The following PCLO variants were observed in gnomAD, a reference collection of about 807,000 sequenced individuals.
PCLO encodes protein piccolo.
In PCLO, 82 loss-of-function variants were observed where a neutral mutation model predicts 427.5. The ratio of observed to expected loss-of-function variants is 0.19; its 90% CI spans 0.16 to 0.23. The LOEUF (loss-of-function observed/expected upper bound fraction) is 0.23, where lower values mean the gene tolerates loss of function less well. Among genes scored for constraint, PCLO ranks in the 10% least tolerant of loss-of-function variants. The pLI is 1.00. For missense variants in PCLO, 6,239 were observed against 6,115.9 expected (o/e 1.02, Z -0.67); for synonymous variants, 2,357 against 2,155.4 (o/e 1.09, Z -2.59).
intron 3 of PCLO, among the ~76,000 whole-genome samples, chr7:83,047,983 C>A (rs1211539018): frequency 6.6e-6 from 1 of 151,946 alleles, no homozygotes; most frequent in Admixed American, 6.6e-5. Flanking sequence ...ATGTGAGGAC[C>A]AGATAGAAGG....
intron 3 of PCLO, among the ~76,000 whole-genome samples, chr7:83,016,263 G>GA (rs889117327): frequency 4.0e-5 from 6 of 149,532 alleles, no homozygotes; most frequent in Non-Finnish European, 6.0e-5. Context: ...TAAAATGGGG[G>GA]AAAAAAAAAC....
chr7:82,816,624 C>T (rs1485218609), intron 20 of PCLO, among the ~76,000 whole-genome samples: 1 of 152,096 alleles, frequency 6.6e-6, no homozygotes, highest in African/African-American at 2.4e-5. Flanking sequence ...AGGCCTTTCT[C>T]TTCTTCTTAG....
rs1795285748 is a variant in PCLO at position 82,949,674 on chromosome 7, T to A, written c.10914A>T (p.Ser3638=). 2 of 1,613,862 alleles carry A rather than the reference T, an allele frequency of 1.2e-6. No homozygotes were observed. The highest frequency in any genetic ancestry group is 1.7e-6 in the Non-Finnish European group (2 of 1,179,848). The change falls in exon 6 of 25, where the codon TCA becomes TCT. Residue 3638 remains serine, a synonymous_variant. Coordinates refer to ENST00000333891, the MANE Select transcript of PCLO (RefSeq NM_033026.6). ...SPLSPGKALE[S]AFVPYEKPLP... Reference sequence around the variant, plus strand: ...GGGGTTTTTCATAAGGTACAAAGGCTGATTCTAAGGCTTTGCCTGGTGAAA... The same window carrying A: ...GGGGTTTTTCATAAGGTACAAAGGCAGATTCTAAGGCTTTGCCTGGTGAAA...
chr7:83,047,238 C>A (rs1218248981), intron 3 of PCLO, among the ~76,000 whole-genome samples: 5 of 151,890 alleles, frequency 3.3e-5, no homozygotes, highest in Non-Finnish European at 7.4e-5. Flanking sequence ...ATATTTTTAG[C>A]ATCAAAGTAC....
chr7:82,911,059 A>G (rs1303969953), intron 7 of PCLO, among the ~76,000 whole-genome samples: 1 of 152,118 alleles, frequency 6.6e-6, no homozygotes, highest in Admixed American at 6.6e-5. Context: ...TTTTAAATAT[A>G]ATTCTTTGAA....
intron 21 of PCLO, among the ~76,000 whole-genome samples, chr7:82,802,499 G>T (rs4413718): frequency 6.6e-6 from 1 of 152,040 alleles, no homozygotes; most frequent in East Asian, 1.9e-4. Flanking sequence ...AACAGCTAAA[G>T]GACAGTAGAC....
chr7:82,956,349 G>A lies in PCLO; in HGVS notation c.4604C>T (p.Ser1535Leu), dbSNP rs757482765. The A allele has an allele frequency of 3.3e-5, 53 of 1,613,038 alleles. No individual in the cohort carries two copies. The highest frequency in any genetic ancestry group is 1.8e-4 in the East Asian group (8 of 44,882). The change falls in exon 5 of 25, where the codon TCA becomes TTA. Residue 1535 changes from serine (S) to leucine (L), a missense_variant. Ser to Leu is a moderately radical substitution (Grantham distance 145). This residue lies in a region of PCLO where 4,677 missense variants were observed against 4,468.4 expected (regional missense o/e 1.05). Transcript: ENST00000333891. Reference sequence around the variant, plus strand: ...CTGTTTATACTCATCACTGCTTGATGAGCCAACACTAGTTCTTCGTTTTCT... The same window carrying A: ...CTGTTTATACTCATCACTGCTTGATAAGCCAACACTAGTTCTTCGTTTTCT... ...PQRKRRTSVGSSSSDEYKQED... is the reference protein window; with the variant it reads ...PQRKRRTSVGLSSSDEYKQED...
intron 9 of PCLO, among the ~76,000 whole-genome samples, chr7:82,892,121 C>G (rs1408983429): frequency 2.0e-5 from 3 of 152,090 alleles, no homozygotes; most frequent in Non-Finnish European, 2.9e-5. Context: ...ATAGCCAAGT[C>G]AATCCTAAGC....
At chr7:82,806,240 A>C (rs1791454990) in intron 20 of PCLO, among the ~76,000 whole-genome samples, 1 of 152,082 alleles carries the variant, frequency 6.6e-6, no homozygotes, top group African/African-American at 2.4e-5. Flanking sequence ...AGATAAAGAA[A>C]ATTGCTTATT....
At chr7:82,820,184 TAGA>T (rs1298571216) in intron 20 of PCLO, among the ~76,000 whole-genome samples, 4 of 152,202 alleles carry the variant, frequency 2.6e-5, no homozygotes, top group Non-Finnish European at 5.9e-5. Flanking sequence ...GATTGCAAAG[TAGA>T]TCAGACGTGG....
chr7:82,957,981 T>C (rs1795567020), intron 4 of PCLO, among the ~76,000 whole-genome samples: 1 of 152,190 alleles, frequency 6.6e-6, no homozygotes, highest in Non-Finnish European at 1.5e-5. Flanking sequence ...CAGAGACTTG[T>C]TGCATAAAGA....
chr7:83,100,847 T>C (rs79099859), intron 3 of PCLO, among the ~76,000 whole-genome samples: 3,518 of 152,270 alleles, frequency 0.023, 69 homozygotes, highest in Non-Finnish European at 0.029. Flanking sequence ...GAAAAATTTA[T>C]ATATTCTGGA....
intron 22 of PCLO, among the ~76,000 whole-genome samples, chr7:82,772,348 A>T (rs1427930985): frequency 1.3e-5 from 2 of 152,080 alleles, no homozygotes; most frequent in African/African-American, 2.4e-5. Flanking sequence ...CAATCTATTA[A>T]TTTCATTTTT....
At chr7:83,146,809 C>T (rs1792007135) in intron 2 of PCLO, among the ~76,000 whole-genome samples, 1 of 151,962 alleles carries the variant, frequency 6.6e-6, no homozygotes, top group African/African-American at 2.4e-5. Flanking sequence ...ACCATGTTGG[C>T]CAGGCTGATC....
At position 82,955,773 on chromosome 7, in the gene PCLO, G is replaced by A; in HGVS notation, c.5180C>T (p.Pro1727Leu). ...TGATACTGATGTAGGGGATGTACCA[G>A]GAGTGAAGCTGGAAGCATGCAGACT... is the stretch of plus-strand genomic sequence containing the variant. ...SSSLHASSFT[P>L]GTSPTSVSSL... Residue 1727 changes from proline (P) to leucine (L), a missense_variant, in exon 5 of 25, where the codon CCT (proline) becomes CTT (leucine). Coordinates refer to ENST00000333891, the MANE Select transcript of PCLO (RefSeq NM_033026.6). 1 of 1,613,942 alleles carries A rather than the reference G, an allele frequency of 6.2e-7. No individual in the cohort carries two copies. Among genetic ancestry groups the A allele is most frequent in the Non-Finnish European group, 8.5e-7 (1 of 1,179,862 alleles).
chr7:82,895,930 G>T (rs1562843219), intron 9 of PCLO, among the ~76,000 whole-genome samples: 1 of 151,770 alleles, frequency 6.6e-6, no homozygotes, highest in Non-Finnish European at 1.5e-5. Context: ...GAAAAATACA[G>T]CCAGGAACAC....
intron 3 of PCLO, among the ~76,000 whole-genome samples, chr7:83,070,914 T>C (rs577138737): frequency 3.6e-4 from 55 of 152,336 alleles, no homozygotes; most frequent in African/African-American, 1.2e-3. Flanking sequence ...TCTAATATTA[T>C]TTATCACCAT....
chr7:83,043,602 A>T (rs865835060), intron 3 of PCLO, among the ~76,000 whole-genome samples: 1 of 152,318 alleles, frequency 6.6e-6, no homozygotes, highest in Middle Eastern at 3.4e-3. Flanking sequence ...ATTAACAGAG[A>T]ACTCAAGTGG....
chr7:83,155,517 T>C lies in PCLO; in HGVS notation c.1124A>G (p.Gln375Arg), dbSNP rs928532393. 11 of 1,609,456 alleles carry C rather than the reference T, an allele frequency of 6.8e-6. No individual in the cohort carries two copies. Among genetic ancestry groups the C allele is most frequent in the African/African-American group, 2.7e-5 (2 of 74,952 alleles). Residue 375 changes from glutamine to arginine, a missense_variant, in exon 2 of 25, where the codon CAG (glutamine) becomes CGG (arginine). Physicochemically the swap from Gln to Arg is conservative, Grantham distance 43. Around this residue, in one of 5 missense-constraint regions of PCLO, gnomAD observed 4,677 missense variants for 4,468.4 expected, o/e 1.05. Coordinates refer to ENST00000333891, the MANE Select transcript of PCLO (RefSeq NM_033026.6). ...CGATGAAGGCTTCTCTGACCCAGTC[T>C]GCTGAGCTGGAGGCTTAGCAGGACC... ...PLGPAKPPAQ[Q>R]TGSEKPSSEQ...
Sources: gnomAD v4.1 joint callset for allele counts (sites outside exome capture counted in the v4.1 genomes callset) on GRCh38, gnomAD v4.1.1 for gene constraint, gnomAD v4.1.1 regional missense constraint, MANE v1.5 for transcripts, NCBI Gene and HGNC (gene_info 2026-07-23, HGNC 2026-07-21) for gene names.